The following PRELID2 variants were observed in gnomAD, a reference collection of about 807,000 sequenced individuals.
The protein encoded by PRELID2 is PRELI domain-containing protein 2.
PRELID2 carries 25 observed loss-of-function variants against 28.4 expected under a neutral mutation model. The observed-to-expected ratio is 0.88, with a 90% confidence interval of 0.64 to 1.23. The LOEUF (loss-of-function observed/expected upper bound fraction) is 1.23, where lower values mean the gene tolerates loss of function less well. Ranked by LOEUF, PRELID2 falls within the 50% of genes most tolerant of loss-of-function variation. The probability of loss-of-function intolerance (pLI) is 0.00; values close to 1 mark genes in which losing one functional copy is unlikely to be tolerated. For missense variants in PRELID2, 201 were observed against 214.4 expected (o/e 0.94, Z 0.39); for synonymous variants, 76 against 71.6 (o/e 1.06, Z -0.31).
rs1216964485 is a variant in PRELID2 at position 145,724,624 on chromosome 5, TATATA to T, written n.70+40302_70+40306del. 2.8e-5 allele frequency among the ~76,000 whole-genome samples: 2 copies of T among 72,290 alleles called. 1 individual carries two copies. Among genetic ancestry groups the T allele is most frequent in the East Asian group, 7.4e-4 (2 of 2,720 alleles). The allele number at this position is 72,290 out of a possible 152,430, so 47.4% of individuals were successfully genotyped here. On this transcript the variant is annotated intron_variant and non_coding_transcript_variant, in intron 1 of 2. Coordinates refer to the PRELID2 transcript ENST00000510259. Reference sequence around the variant, plus strand: ...AAATATATATATATATATATATATATATATATATATATATATATATATAATGCCTG... The same window carrying T: ...AAATATATATATATATATATATATATTATATATATATATATATAATGCCTG...
chr5:145,332,534 A>G, the PRELID2 span, among the ~76,000 whole-genome samples: 1 of 151,960 alleles, frequency 6.6e-6, no homozygotes, highest in African/African-American at 2.4e-5. Flanking sequence ...AATCTCTGAT[A>G]TCTTTTCTTC....
chr5:145,711,646 T>G (rs1397832415), intron 1 of PRELID2, among the ~76,000 whole-genome samples: 1 of 151,958 alleles, frequency 6.6e-6, no homozygotes, highest in Non-Finnish European at 1.5e-5. Flanking sequence ...GTGTGTAGTG[T>G]CTGCTGAAGG....
chr5:145,690,069 A>T (rs1469062135), intron 1 of PRELID2, among the ~76,000 whole-genome samples: 1 of 147,690 alleles, frequency 6.8e-6, no homozygotes, highest in Non-Finnish European at 1.5e-5. Flanking sequence ...CACTCACTGC[A>T]ACCTCCACCT....
intron 1 of PRELID2, among the ~76,000 whole-genome samples, chr5:145,482,880 G>A (rs757590193): frequency 2.0e-5 from 3 of 151,778 alleles, no homozygotes; most frequent in Non-Finnish European, 4.4e-5. Flanking sequence ...TAGGGTTCGC[G>A]CTCCTATGAG....
At chr5:145,655,794 A>G (rs1314364557) in intron 1 of PRELID2, among the ~76,000 whole-genome samples, 1 of 152,182 alleles carries the variant, frequency 6.6e-6, no homozygotes, top group Non-Finnish European at 1.5e-5. Flanking sequence ...AACCATAAAA[A>G]CCCTAGAAGA....
the PRELID2 span, among the ~76,000 whole-genome samples, chr5:145,390,353 C>A: frequency 3.3e-5 from 5 of 152,176 alleles, no homozygotes; most frequent in Non-Finnish European, 5.9e-5. Flanking sequence ...AATTGACTCA[C>A]AGTTCAGCAT....
At chr5:145,349,758 C>T in the PRELID2 span, among the ~76,000 whole-genome samples, 7 of 152,022 alleles carry the variant, frequency 4.6e-5, no homozygotes, top group Non-Finnish European at 2.9e-5. Context: ...TATAAGTAAA[C>T]ACACGAAGAA....
intron 5 of PRELID2, among the ~76,000 whole-genome samples, chr5:145,791,940 G>A (rs1176015717): frequency 3.9e-5 from 6 of 152,066 alleles, no homozygotes; most frequent in Non-Finnish European, 5.9e-5. Context: ...TAGTGTAGAC[G>A]ACAGATGCTG....
At chr5:145,413,102 T>A in the PRELID2 span, among the ~76,000 whole-genome samples, 1 of 152,060 alleles carries the variant, frequency 6.6e-6, no homozygotes, top group Admixed American at 6.6e-5. Flanking sequence ...AACAAAAGAC[T>A]AATATCCAGA....
At chr5:145,502,456 A>C (rs879817423) in intron 1 of PRELID2, among the ~76,000 whole-genome samples, 1 of 152,178 alleles carries the variant, frequency 6.6e-6, no homozygotes, top group Non-Finnish European at 1.5e-5. Flanking sequence ...TATTAAGATG[A>C]AAGGACAGAA....
chr5:145,340,957 G>A, the PRELID2 span, among the ~76,000 whole-genome samples: 1 of 151,272 alleles, frequency 6.6e-6, no homozygotes, highest in Non-Finnish European at 1.5e-5. Context: ...CCTAATAACT[G>A]CACCCTAATC....
intron 1 of PRELID2, among the ~76,000 whole-genome samples, chr5:145,591,662 T>C (rs1282736199): frequency 6.6e-6 from 1 of 152,068 alleles, no homozygotes; most frequent in Non-Finnish European, 1.5e-5. Context: ...AGCACAAATA[T>C]CCCACACTAA....
the PRELID2 span, among the ~76,000 whole-genome samples, chr5:145,251,463 C>T: frequency 1.5e-3 from 220 of 147,644 alleles, 3 homozygotes; most frequent in Non-Finnish European, 1.1e-3. Context: ...GGGTCTTGAT[C>T]TCAGTGTAAT....
Position 145,634,436 on chromosome 5 carries a change from T to C in PRELID2, n.70+130495A>G, listed in dbSNP as rs577326534. 7.2e-5 allele frequency among the ~76,000 whole-genome samples: 11 copies of C among 152,296 alleles called. No individual in the cohort carries two copies. The South Asian group carries it at 2.3e-3, about 32-fold the overall frequency. On this transcript the variant is annotated intron_variant and non_coding_transcript_variant, in intron 1 of 2. Coordinates refer to the PRELID2 transcript ENST00000510259. ...AATGCTCAACAAGTATTGAACTAAC[T>C]TGCAATTCTTGAGACCCACCAAAAT...
chr5:145,348,095 G>C, the PRELID2 span, among the ~76,000 whole-genome samples: 1 of 152,108 alleles, frequency 6.6e-6, no homozygotes, highest in African/African-American at 2.4e-5. Context: ...GGTCCTCTAT[G>C]TCAGCAAGGA....
chr5:145,594,101 TG>T (rs773096702), intron 1 of PRELID2, among the ~76,000 whole-genome samples: 1 of 152,182 alleles, frequency 6.6e-6, no homozygotes, highest in Non-Finnish European at 1.5e-5. Flanking sequence ...ATAGGAAAGA[TG>T]GGCTGTGAGA....
intron 1 of PRELID2, among the ~76,000 whole-genome samples, chr5:145,712,955 G>A (rs893453699): frequency 6.6e-6 from 1 of 151,722 alleles, no homozygotes; most frequent in African/African-American, 2.4e-5. Flanking sequence ...CAGAGGAAAG[G>A]GTCAGTCAAG....
intron 1 of PRELID2, among the ~76,000 whole-genome samples, chr5:145,617,688 T>C (rs1753717916): frequency 6.6e-6 from 1 of 152,058 alleles, no homozygotes; most frequent in Non-Finnish European, 1.5e-5. Flanking sequence ...TCTATAAGTG[T>C]GTCCAATGTT....
the PRELID2 span, among the ~76,000 whole-genome samples, chr5:145,454,394 A>G: frequency 3.3e-5 from 5 of 152,040 alleles, no homozygotes; most frequent in Non-Finnish European, 5.9e-5. Flanking sequence ...CTCTCTCACC[A>G]CTCCTATTCA....
Sources: allele counts gnomAD v4.1 joint callset (sites outside exome capture counted in the v4.1 genomes callset), GRCh38; gene constraint gnomAD v4.1.1; transcripts MANE v1.5; gene names NCBI Gene and HGNC (gene_info 2026-07-23, HGNC 2026-07-21).